The following ENTREP3 variants were observed in gnomAD, a reference collection of about 807,000 sequenced individuals.
ENTREP3 encodes the protein protein ENTREP3.
the ENTREP3 span, chr1:155,253,605 G>T: frequency 6.3e-7 from 1 of 1,575,196 alleles, no homozygotes; most frequent in Non-Finnish European, 8.7e-7. Flanking sequence ...TGCGTGCCCT[G>T]GCCCCTGCTC....
the ENTREP3 span, chr1:155,248,122 C>T: frequency 6.2e-7 from 1 of 1,614,118 alleles, no homozygotes; most frequent in Admixed American, 1.7e-5. Context: ...AACGAGTGAC[C>T]AGGCCCCGAC....
At chr1:155,254,464 CAG>C in the ENTREP3 span, 1 of 1,614,070 alleles carries the variant, frequency 6.2e-7, no homozygotes, top group African/African-American at 1.3e-5. The surrounding 1 kb of genome is among the most constrained non-coding windows in gnomAD (Gnocchi z 4.4). Flanking sequence ...CAGCTGGGGA[CAG>C]AGTGGGCACA....
the ENTREP3 span, among the ~76,000 whole-genome samples, chr1:155,249,991 C>T: frequency 1.0e-4 from 15 of 150,068 alleles, no homozygotes; most frequent in African/African-American, 1.7e-4. Context: ...ACCCGGGAAA[C>T]GGGTTGCAGT....
chr1:155,250,195 C>T, the ENTREP3 span: 1 of 1,297,380 alleles, frequency 7.7e-7, no homozygotes, highest in East Asian at 2.7e-5. The surrounding 1 kb of genome is among the most constrained non-coding windows in gnomAD (Gnocchi z 5.4). Flanking sequence ...AACTGTGCCC[C>T]AATCCTGGTG....
chr1:155,247,255 G>T, the ENTREP3 span: 2 of 373,766 alleles, frequency 5.4e-6, no homozygotes, highest in Non-Finnish European at 1.1e-5. Flanking sequence ...CTTACATACT[G>T]TTAAGAGCTT....
the ENTREP3 span, chr1:155,254,156 C>T: frequency 6.2e-7 from 1 of 1,614,084 alleles, no homozygotes; most frequent in Non-Finnish European, 8.5e-7. This position sits in a 1 kb window ranked among gnomAD's most constrained non-coding sequence, Gnocchi z 4.4. Context: ...CCATGCTAAG[C>T]ATGACACAGA....
At chr1:155,251,795 A>G in the ENTREP3 span, 2 of 1,588,038 alleles carry the variant, frequency 1.3e-6, no homozygotes, top group Non-Finnish European at 1.7e-6. Context: ...GTGGGGGCAC[A>G]GGCGGGACAA....
At chr1:155,254,635 A>G in the ENTREP3 span, 5 of 1,604,118 alleles carry the variant, frequency 3.1e-6, no homozygotes, top group Non-Finnish European at 8.5e-7. The surrounding 1 kb of genome is among the most constrained non-coding windows in gnomAD (Gnocchi z 4.4). Context: ...CCACCCAACA[A>G]CTGTGCACCC....
the ENTREP3 span, chr1:155,254,181 G>A: frequency 6.2e-7 from 1 of 1,613,546 alleles, no homozygotes; most frequent in Non-Finnish European, 8.5e-7. This position sits in a 1 kb window ranked among gnomAD's most constrained non-coding sequence, Gnocchi z 4.4. Flanking sequence ...CGAAAGCAAG[G>A]AGAAGAAGGA....
the ENTREP3 span, chr1:155,248,550 C>G: frequency 7.5e-7 from 1 of 1,332,144 alleles, no homozygotes; most frequent in Non-Finnish European, 1.1e-6. Flanking sequence ...TGTGGGAACT[C>G]AAGCCCAGAG....
chr1:155,253,813 A>C, the ENTREP3 span: 1 of 1,611,480 alleles, frequency 6.2e-7, no homozygotes, highest in Non-Finnish European at 8.5e-7. Context: ...CCAGCAGGGG[A>C]GGCAAGAGTG....
At chr1:155,254,849 C>T in the ENTREP3 span, 310 of 1,585,040 alleles carry the variant, frequency 2.0e-4, 1 homozygote, top group Admixed American at 7.2e-4. The surrounding 1 kb of genome is among the most constrained non-coding windows in gnomAD (Gnocchi z 4.4). Context: ...GGTCAGCGAG[C>T]GGCTGGAGTC....
chr1:155,248,411 C>G, the ENTREP3 span: 2 of 1,614,062 alleles, frequency 1.2e-6, no homozygotes, highest in Non-Finnish European at 1.7e-6. Context: ...TGACCTGTAT[C>G]TGCAGAGGAA....
At chr1:155,253,597 C>CG in the ENTREP3 span, 2 of 1,529,772 alleles carry the variant, frequency 1.3e-6, no homozygotes, top group Non-Finnish European at 1.8e-6. Context: ...ACCATACCTG[C>CG]GTGCCCTGGC....
At chr1:155,254,700 T>A in the ENTREP3 span, 1 of 1,611,538 alleles carries the variant, frequency 6.2e-7, no homozygotes, top group Non-Finnish European at 8.5e-7. This position sits in a 1 kb window ranked among gnomAD's most constrained non-coding sequence, Gnocchi z 4.4. Flanking sequence ...CTCTCGGTGG[T>A]GGTGACGGAA....
At chr1:155,251,677 G>A in the ENTREP3 span, 20 of 1,606,160 alleles carry the variant, frequency 1.2e-5, no homozygotes, top group Admixed American at 2.2e-4. Flanking sequence ...CAGCAATCCA[G>A]GCCCAGCCCC....
chr1:155,247,689 T>C, the ENTREP3 span: 1 of 1,239,926 alleles, frequency 8.1e-7, no homozygotes, highest in Non-Finnish European at 1.1e-6. Context: ...GGTTTCTTTT[T>C]GTGCCAGCCA....
chr1:155,251,613 G>A, the ENTREP3 span: 3 of 1,612,324 alleles, frequency 1.9e-6, no homozygotes, highest in Non-Finnish European at 2.5e-6. Flanking sequence ...TGGCAGATGA[G>A]GAAGAGGGTC....
the ENTREP3 span, among the ~76,000 whole-genome samples, chr1:155,248,676 A>G: frequency 2.0e-5 from 3 of 149,914 alleles, no homozygotes; most frequent in African/African-American, 7.4e-5. Flanking sequence ...GGTGTTGTTC[A>G]GCACCTGGCG....
Sources: gnomAD v4.1 joint callset for allele counts (sites outside exome capture counted in the v4.1 genomes callset) on GRCh38, gnomAD v4.1.1 for gene constraint, Gnocchi (gnomAD v3.1) non-coding constraint, MANE v1.5 for transcripts, NCBI Gene and HGNC (gene_info 2026-07-23, HGNC 2026-07-21) for gene names.